The following HMX1 variants were observed in gnomAD, a reference collection of about 807,000 sequenced individuals.
The protein encoded by HMX1 is H6 family homeobox 1.
Under a neutral mutation model 8.9 loss-of-function variants are expected in HMX1, and 8 were observed. The observed-to-expected ratio is 0.90, with a 90% CI of 0.53 to 1.63. The LOEUF is 1.63. Ranked by LOEUF, HMX1 falls within the 40% of genes most tolerant of loss-of-function variation. The pLI is 0.00. For missense variants in HMX1, 621 were observed against 558.5 expected, an observed-to-expected ratio of 1.11 and a Z score of -1.13; for synonymous variants, 311 against 283.4, an observed-to-expected ratio of 1.10 and a Z score of -0.98.
At chr4:8,858,224 C>A (rs532172595) in intron 1 of HMX1, among the ~76,000 whole-genome samples, 1 of 152,206 alleles carries the variant, frequency 6.6e-6, no homozygotes, top group East Asian at 2.0e-4. Context: ...GCTGCGGTTA[C>A]GCGCGCGGAG....
rs1257751232 is a variant in HMX1, at chr4:8,849,188, A to G, written c.395-2864T>C. Among the ~76,000 whole-genome samples the G allele has an allele frequency of 6.6e-6, 1 of 152,062 alleles. No homozygotes were observed. The highest frequency in any genetic ancestry group is 1.5e-5 in the Non-Finnish European group (1 of 68,022). On this transcript the variant is annotated intron_variant, in intron 1 of 1. Transcript: ENST00000506970. This position sits in a 1 kb window ranked among gnomAD's most constrained non-coding sequence, Gnocchi z 6.6. ...GACGGGTCCAACCATGGCAGCTGTC[A>G]TGAGCTGAACTGTGTCCTCCCAAAT...
downstream of HMX1, among the ~76,000 whole-genome samples, chr4:8,862,602 T>G (rs1177728269): frequency 2.0e-5 from 3 of 152,330 alleles, no homozygotes; most frequent in East Asian, 1.9e-4. Context: ...GATAATAACT[T>G]TTTTTAAAAT....
intron 1 of HMX1, among the ~76,000 whole-genome samples, chr4:8,860,361 G>T (rs1265556370): frequency 6.6e-6 from 1 of 152,224 alleles, no homozygotes; most frequent in Non-Finnish European, 1.5e-5. Context: ...AACACGGAAG[G>T]CTGTGTACAC....
intron 1 of HMX1, among the ~76,000 whole-genome samples, chr4:8,850,065 C>G (rs556406678): frequency 1.4e-3 from 219 of 152,328 alleles, no homozygotes; most frequent in Non-Finnish European, 2.2e-3. Context: ...ACGTGGCAAG[C>G]CTGGCACCTG....
rs1181654796 is a variant in HMX1, at chr4:8,867,653, G to A, written c.*40C>T. The A allele has an allele frequency of 1.6e-6, 2 of 1,225,328 alleles. No homozygotes were observed. The highest frequency in any genetic ancestry group is 2.0e-6 in the Non-Finnish European group (2 of 982,890). 75.9% of individuals were successfully genotyped at this position (1,225,328 alleles called of 1,614,324 possible). On this transcript the variant is annotated 3_prime_UTR_variant, in exon 2 of 2. Coordinates refer to ENST00000400677, the MANE Select transcript of HMX1 (RefSeq NM_018942.3). Reference sequence around the variant, plus strand: ...TGCCGCTGAATCGCGCGTCCACACAGGTCCACAGGGTCGTGGGGAGAGGGC... The same window carrying A: ...TGCCGCTGAATCGCGCGTCCACACAAGTCCACAGGGTCGTGGGGAGAGGGC...
At position 8,868,228 on chromosome 4, in the gene HMX1, C is replaced by T; in HGVS notation, c.512G>A (p.Gly171Asp). 7.0e-7 allele frequency: 1 copy of T among 1,435,494 alleles called. No individual in the cohort carries two copies. The highest frequency in any genetic ancestry group is 1.4e-5 in the South Asian group (1 of 70,824). The allele number at this position is 1,435,494 out of a possible 1,614,324, so 88.9% of individuals were successfully genotyped here. A position where few individuals can be genotyped will look rare whatever the true frequency, so the allele number is the denominator to read the frequency against. ...CGCCTCCTCCGTGCCGGCCGCCGGG[C>T]CACGCGCCGCCAGCTCCGCTGCCTC... ...QREAAELAAR[G>D]PAAGTEEASE... The change falls in exon 2 of 2, where the codon GGC becomes GAC. Residue 171 changes from glycine (G) to aspartate (D), a missense_variant. Physicochemically the swap from Gly to Asp is moderately conservative, Grantham distance 94. Transcript: ENST00000400677. The surrounding 1 kb of genome is among the most constrained non-coding windows in gnomAD (Gnocchi z 4.6).
chr4:8,850,886 AGTGCCCACAT>A (rs1448155506), intron 1 of HMX1, among the ~76,000 whole-genome samples: 6 of 152,234 alleles, frequency 3.9e-5, no homozygotes, highest in Non-Finnish European at 8.8e-5. Context: ...TCTCCAGGAC[AGTGCCCACAT>A]GTGCTGGGTG....
rs1295525182 is a variant in HMX1, at chr4:8,870,653, C to T, written c.394+568G>A. Among the ~76,000 whole-genome samples the T allele has an allele frequency of 6.6e-6, 1 of 150,876 alleles. No homozygotes were observed. The highest frequency in any genetic ancestry group is 1.5e-5 in the Non-Finnish European group (1 of 67,736). On this transcript the variant is annotated intron_variant, in intron 1 of 1. Coordinates refer to ENST00000400677, the MANE Select transcript of HMX1 (RefSeq NM_018942.3). The surrounding 1 kb of genome is among the most constrained non-coding windows in gnomAD (Gnocchi z 4.4). Reference sequence around the variant, plus strand: ...CATGTTAGATGGCTCCCCTCCCCGGCCCCACCCCCACAACACTGCACCCTC... The same window carrying T: ...CATGTTAGATGGCTCCCCTCCCCGGTCCCACCCCCACAACACTGCACCCTC...
At chr4:8,865,499 C>T (rs567068017), downstream of HMX1, among the ~76,000 whole-genome samples, 8 of 151,978 alleles carry the variant, frequency 5.3e-5, no homozygotes, top group East Asian at 2.0e-4. Context: ...TCGGAGGCTC[C>T]GCGGTGTCGC....
chr4:8,863,083 A>G (rs1227986664), downstream of HMX1, among the ~76,000 whole-genome samples: 4 of 152,156 alleles, frequency 2.6e-5, no homozygotes, highest in East Asian at 5.8e-4. Flanking sequence ...GACCCTGGAT[A>G]GGCATGCCCA....
rs554184939 is a variant in HMX1 at position 8,851,942 on chromosome 4, C to T, written c.395-5618G>A. Among the ~76,000 whole-genome samples the T allele has an allele frequency of 2.8e-3, 421 of 152,334 alleles. 4 individuals carry two copies. The highest frequency in any genetic ancestry group is 4.9e-3 in the Non-Finnish European group (332 of 68,022). On this transcript the variant is annotated intron_variant, in intron 1 of 1. Coordinates refer to the HMX1 transcript ENST00000506970. ...GCTCCAGGCAGAGATGGGAGGGCCT[C>T]GAACCTGCGTCCTGTGTCAAGGAGG... is the stretch of plus-strand genomic sequence containing the variant.
At chr4:8,863,456 G>T (rs1349869711), downstream of HMX1, among the ~76,000 whole-genome samples, 1 of 152,238 alleles carries the variant, frequency 6.6e-6, no homozygotes, top group African/African-American at 2.4e-5. Context: ...TTCGGAGTGG[G>T]CTCAGAGCCA....
downstream of HMX1, among the ~76,000 whole-genome samples, chr4:8,863,371 G>A (rs530530899): frequency 5.3e-5 from 8 of 152,308 alleles, no homozygotes; most frequent in African/African-American, 1.4e-4. Flanking sequence ...AAGCCCACCC[G>A]GCCTCTCCCG....
At chr4:8,858,019 A>C (rs1420703200) in intron 1 of HMX1, among the ~76,000 whole-genome samples, 2 of 151,906 alleles carry the variant, frequency 1.3e-5, no homozygotes, top group African/African-American at 2.4e-5. Flanking sequence ...TTGAAGCATC[A>C]GCTAAGCCAT....
At position 8,867,246 on chromosome 4, in the gene HMX1, C is replaced by T. The variant is rs1051766450; in HGVS notation, c.*447G>A. The T allele has an allele frequency of 1.3e-5, 13 of 986,030 alleles. No individual in the cohort carries two copies. The South Asian group carries it at 6.1e-4, about 46-fold the overall frequency. 61.1% of individuals were successfully genotyped at this position (986,030 alleles called of 1,614,324 possible). A position where few individuals can be genotyped will look rare whatever the true frequency, so the allele number is the denominator to read the frequency against. On this transcript the variant is annotated 3_prime_UTR_variant, in exon 2 of 2. Transcript: ENST00000400677. Reference sequence around the variant, plus strand: ...ACAGCCCTCCGGGCCGGCCTGCTGTCTGGGTCCCAGGAAAGGGACGTTTAG... The same window carrying T: ...ACAGCCCTCCGGGCCGGCCTGCTGTTTGGGTCCCAGGAAAGGGACGTTTAG...
At chr4:8,850,708 G>A (rs1228509063) in intron 1 of HMX1, among the ~76,000 whole-genome samples, 2 of 152,182 alleles carry the variant, frequency 1.3e-5, no homozygotes, top group Non-Finnish European at 2.9e-5. Flanking sequence ...CGCCTCCCTG[G>A]AACACCAGTG....
At chr4:8,866,126 C>G (rs13303119), downstream of HMX1, among the ~76,000 whole-genome samples, 1 of 151,550 alleles carries the variant, frequency 6.6e-6, no homozygotes, top group African/African-American at 2.4e-5. Context: ...ACTGATGGGC[C>G]GGGGCGGGGG....
chr4:8,865,860 A>G (rs2109470392), downstream of HMX1, among the ~76,000 whole-genome samples: 1 of 152,336 alleles, frequency 6.6e-6, no homozygotes, highest in East Asian at 1.9e-4. Flanking sequence ...GCGCAGCCCC[A>G]AAGCAGCGAG....
chr4:8,860,320 G>A (rs1222238518), intron 1 of HMX1, among the ~76,000 whole-genome samples: 2 of 152,248 alleles, frequency 1.3e-5, no homozygotes, highest in African/African-American at 2.4e-5. Context: ...CGCCTCGGAG[G>A]TGCTCCGGGT....
Sources: allele counts gnomAD v4.1 joint callset (sites outside exome capture counted in the v4.1 genomes callset), GRCh38; gene constraint gnomAD v4.1.1; non-coding constraint Gnocchi (gnomAD v3.1); transcripts MANE v1.5; gene names NCBI Gene and HGNC (gene_info 2026-07-23, HGNC 2026-07-21).